Variants in CSNK1G2 observed in about 807,000 individuals in gnomAD.
CSNK1G2 encodes the protein casein kinase 1 gamma 2.
A neutral mutation model predicts 48.0 loss-of-function variants in CSNK1G2; 11 were observed. The observed-to-expected ratio is 0.23, with a 90% confidence interval of 0.14 to 0.38. The LOEUF (loss-of-function observed/expected upper bound fraction) is 0.38, where lower values mean the gene tolerates loss of function less well. Among genes scored for constraint, CSNK1G2 ranks in the 10% least tolerant of loss-of-function variants. The probability of loss-of-function intolerance (pLI) is 1.00; values close to 1 mark genes in which losing one functional copy is unlikely to be tolerated. For missense variants in CSNK1G2, 446 were observed against 595.5 expected, an observed-to-expected ratio of 0.75 and a Z score of 2.61; for synonymous variants, 337 against 254.1, an observed-to-expected ratio of 1.33 and a Z score of -3.10.
chr19:1,959,983 T>G (rs968440509), intron 1 of CSNK1G2, among the ~76,000 whole-genome samples: 2 of 152,110 alleles, frequency 1.3e-5, no homozygotes, highest in Admixed American at 6.6e-5. Flanking sequence ...TGCAGGACTC[T>G]CGGAACTGGG....
intron 1 of CSNK1G2, chr19:1,953,930 G>C (rs554449586): frequency 1.9e-6 from 1 of 534,004 alleles, no homozygotes; most frequent in Non-Finnish European, 3.8e-6. Flanking sequence ...CTCCGGTGCA[G>C]TCGGCGCGGT....
intron 2 of CSNK1G2, among the ~76,000 whole-genome samples, chr19:1,971,661 TG>T (rs1033681114): frequency 4.6e-5 from 7 of 152,106 alleles, no homozygotes; most frequent in African/African-American, 1.4e-4. Flanking sequence ...GTATGGCTTT[TG>T]GGAACCCAGA....
Position 1,980,305 on chromosome 19 carries a change from C to A in CSNK1G2, c.*102C>A. 2.8e-6 allele frequency: 4 copies of A among 1,449,086 alleles called. No individual in the cohort carries two copies. Among genetic ancestry groups the A allele is most frequent in the Non-Finnish European group, 3.8e-6 (4 of 1,042,632 alleles). The allele number at this position is 1,449,086 out of a possible 1,614,324, so 89.8% of individuals were successfully genotyped here. A position where few individuals can be genotyped will look rare whatever the true frequency, so the allele number is the denominator to read the frequency against. On this transcript the variant is annotated 3_prime_UTR_variant, in exon 12 of 12. Transcript: ENST00000255641. ...CCACCCACAGCGGCCCAGGGCCAGA[C>A]CCTGGCTGGAAGCCAGAACGCAGAC...
chr19:1,970,491 C>T (rs1029076685), intron 2 of CSNK1G2, among the ~76,000 whole-genome samples: 6 of 152,208 alleles, frequency 3.9e-5, no homozygotes, highest in South Asian at 2.1e-4. Context: ...CAACCTCTCC[C>T]GGGTCGGGGT....
chr19:1,964,614 TGC>T (rs1423275097), intron 1 of CSNK1G2, among the ~76,000 whole-genome samples: 2 of 152,220 alleles, frequency 1.3e-5, no homozygotes, highest in Admixed American at 1.3e-4. Context: ...ATCTACTCTG[TGC>T]TCTATAAATA....
chr19:1,952,224 AG>A (rs993488781), intron 1 of CSNK1G2, among the ~76,000 whole-genome samples: 1 of 152,166 alleles, frequency 6.6e-6, no homozygotes, highest in Non-Finnish European at 1.5e-5. Flanking sequence ...ACGAGGGCCC[AG>A]GGGGCAGAAG....
At chr19:1,961,524 C>G (rs2015199205) in intron 1 of CSNK1G2, among the ~76,000 whole-genome samples, 1 of 152,274 alleles carries the variant, frequency 6.6e-6, no homozygotes, top group Admixed American at 6.5e-5. Flanking sequence ...GGAGCTGGGC[C>G]TCAGTGGGGG....
At position 1,980,157 on chromosome 19, in the gene CSNK1G2, G is replaced by A; in HGVS notation, c.1202G>A (p.Cys401Tyr). 6.2e-7 allele frequency: 1 copy of A among 1,613,006 alleles called. No homozygotes were observed. Among genetic ancestry groups the A allele is most frequent in the Non-Finnish European group, 8.5e-7 (1 of 1,179,880 alleles). The stretch of plus-strand genomic sequence containing the variant: ...GCCACTGCCCTCCTCAGATGCTGCT[G>A]TTTCTTCAAGAGGAGAAAGAGAAAA... ...VEVADETKCC[C>Y]FFKRRKRKSL... is the part of the protein sequence containing the mutation. Residue 401 changes from cysteine (C) to tyrosine (Y), a missense_variant, in exon 12 of 12, where the codon TGT becomes TAT. By Grantham distance (194) the Cys-to-Tyr change is radical. Transcript: ENST00000255641.
Position 1,979,759 on chromosome 19 carries a change from C to T in CSNK1G2, c.1010C>T (p.Pro337Leu), listed in dbSNP as rs1181735444. The T allele has an allele frequency of 6.2e-7, 1 of 1,606,106 alleles. No homozygotes were observed. The highest frequency in any genetic ancestry group is 8.5e-7 in the Non-Finnish European group (1 of 1,179,210). ...CTGCTCCCTCACCCACAGCCGACCC[C>T]CATCGGCACCGTCCACACCGACCTG... ...YDWAGKPLPT[P>L]IGTVHTDLPS... Residue 337 changes from proline (P) to leucine (L), a missense_variant, in exon 10 of 12, where the codon CCC (proline) becomes CTC (leucine). Pro to Leu is a moderately conservative substitution (Grantham distance 98). Around this residue, in one of 2 missense-constraint regions of CSNK1G2, gnomAD observed 188 missense variants for 179.6 expected, o/e 1.05. Coordinates refer to ENST00000255641, the MANE Select transcript of CSNK1G2 (RefSeq NM_001319.7).
chr19:1,948,440 A>G (rs2083224), intron 1 of CSNK1G2, among the ~76,000 whole-genome samples: 95,639 of 150,310 alleles, frequency 0.64, 30,730 homozygotes, highest in Non-Finnish European at 0.69. Context: ...GGAGAATGGC[A>G]TGAACCCGGG....
At chr19:1,947,859 G>A (rs2014619050) in intron 1 of CSNK1G2, among the ~76,000 whole-genome samples, 1 of 152,202 alleles carries the variant, frequency 6.6e-6, no homozygotes, top group Non-Finnish European at 1.5e-5. Flanking sequence ...GGTGGACCGT[G>A]GCTGCCCCAT....
At chr19:1,975,133 A>G in intron 2 of CSNK1G2, 1 of 985,392 alleles carries the variant, frequency 1.0e-6, no homozygotes, top group Non-Finnish European at 1.2e-6. Flanking sequence ...GCCGGGAAGG[A>G]CCCCATCACC....
chr19:1,980,552 G>GC lies in CSNK1G2; in HGVS notation c.*355dup, dbSNP rs920276389. On this transcript the variant is annotated 3_prime_UTR_variant, in exon 12 of 12. Coordinates refer to ENST00000255641, the MANE Select transcript of CSNK1G2 (RefSeq NM_001319.7). ...TGAAGTGAGTAGTGTGATCCTGGAG[G>GC]CCCCCCGGCCTGGCCCCGCCCCGCC... The GC allele has an allele frequency of 2.2e-4, 67 of 310,544 alleles. No homozygotes were observed. Among genetic ancestry groups the GC allele is most frequent in the Non-Finnish European group, 5.5e-5 (9 of 164,470 alleles). 19.2% of individuals were successfully genotyped at this position (310,544 alleles called of 1,614,324 possible). A position where few individuals can be genotyped will look rare whatever the true frequency, so the allele number is the denominator to read the frequency against.
intron 1 of CSNK1G2, among the ~76,000 whole-genome samples, chr19:1,946,268 T>TTATTTATTTATG (rs1328713512): frequency 7.9e-6 from 1 of 127,110 alleles, no homozygotes; most frequent in Non-Finnish European, 1.8e-5. Flanking sequence ...ATTTATTCGT[T>TTATTTATTTATG]TATTTATTTA....
intron 1 of CSNK1G2, among the ~76,000 whole-genome samples, chr19:1,963,854 T>A (rs1368037384): frequency 8.8e-5 from 13 of 148,294 alleles, no homozygotes; most frequent in African/African-American, 3.3e-4. Context: ...TCTCGCTCTG[T>A]CGCCCAGGCT....
intron 2 of CSNK1G2, chr19:1,975,929 G>A (rs2015737803): frequency 1.2e-6 from 1 of 807,288 alleles, no homozygotes; most frequent in African/African-American, 1.8e-5. Flanking sequence ...CAGCTACTCA[G>A]GAGGCTGAGG....
intron 1 of CSNK1G2, among the ~76,000 whole-genome samples, chr19:1,966,714 T>C (rs1440952522): frequency 6.6e-6 from 1 of 152,074 alleles, no homozygotes; most frequent in Non-Finnish European, 1.5e-5. Context: ...GCCAACTTTT[T>C]TGTGGTCATA....
At chr19:1,965,642 A>T (rs2015342741) in intron 1 of CSNK1G2, among the ~76,000 whole-genome samples, 1 of 152,076 alleles carries the variant, frequency 6.6e-6, no homozygotes, top group Non-Finnish European at 1.5e-5. Context: ...CTGGGGCTAC[A>T]GGTGCGTGCC....
Position 1,979,956 on chromosome 19 carries a change from G to A in CSNK1G2, c.1132G>A (p.Ala378Thr). ...GGAGCTGAATGCGGACGACCCCACG[G>A]CCGGCCACTCCAACGCCCCGATCAC... ...NGELNADDPTAGHSNAPITAP... is the reference protein window; with the variant it reads ...NGELNADDPTTGHSNAPITAP... The change falls in exon 11 of 12, where the codon GCC (alanine) becomes ACC (threonine). Residue 378 changes from alanine to threonine, a missense_variant. Transcript: ENST00000255641. 6.3e-7 allele frequency: 1 copy of A among 1,598,334 alleles called. No homozygotes were observed. Among genetic ancestry groups the A allele is most frequent in the Admixed American group, 1.7e-5 (1 of 58,730 alleles).
Sources: gnomAD v4.1 joint callset for allele counts (sites outside exome capture counted in the v4.1 genomes callset) on GRCh38, gnomAD v4.1.1 for gene constraint, gnomAD v4.1.1 regional missense constraint, MANE v1.5 for transcripts, NCBI Gene and HGNC (gene_info 2026-07-23, HGNC 2026-07-21) for gene names.